Variants in AGFG2 observed in about 807,000 individuals in gnomAD.
AGFG2 encodes arf-GAP domain and FG repeat-containing protein 2.
Under a neutral mutation model 48.0 loss-of-function variants are expected in AGFG2, and 31 were observed. The ratio of observed to expected loss-of-function variants is 0.65; its 90% CI spans 0.49 to 0.87. AGFG2 has a LOEUF of 0.87. AGFG2 is among the 40% of genes least tolerant of loss of function. The pLI, the probability that AGFG2 is intolerant of heterozygous loss-of-function variation, is 0.00. For missense variants in AGFG2, 599 were observed against 632.6 expected (o/e 0.95, Z 0.57); for synonymous variants, 229 against 260.8 (o/e 0.88, Z 1.18).
intron 6 of AGFG2, among the ~76,000 whole-genome samples, chr7:100,559,528 G>A (rs1030723425): frequency 9.2e-5 from 14 of 152,048 alleles, no homozygotes; most frequent in Admixed American, 4.6e-4. Context: ...TATAAGAAGC[G>A]CATGAAGGCC....
At chr7:100,540,635 T>C (rs1800404704) in intron 1 of AGFG2, among the ~76,000 whole-genome samples, 1 of 152,200 alleles carries the variant, frequency 6.6e-6, no homozygotes, top group Non-Finnish European at 1.5e-5. Flanking sequence ...TGGATCTCTG[T>C]TTTTTAATAA....
chr7:100,553,144 C>A (rs1261622431), intron 3 of AGFG2, among the ~76,000 whole-genome samples: 1 of 152,088 alleles, frequency 6.6e-6, no homozygotes, highest in African/African-American at 2.4e-5. Context: ...CAGCGAGACC[C>A]TGTCTCAAAA....
At position 100,564,659 on chromosome 7, in the gene AGFG2, G is replaced by A. The variant is rs183182846; in HGVS notation, c.1387-273G>A. Among the ~76,000 whole-genome samples, 77 of 151,798 alleles carry A rather than the reference G, an allele frequency of 5.1e-4. No individual in the cohort carries two copies. In the East Asian group the frequency reaches 9.3e-3, roughly 18 times the overall value. The stretch of plus-strand genomic sequence containing the variant: ...GCAGGGACTACAGGTGTGCACCACC[G>A]CACATGGCTAATTTTTGTATTTTTA... On this transcript the variant is annotated intron_variant, in intron 11 of 11. Coordinates refer to ENST00000300176, the MANE Select transcript of AGFG2 (RefSeq NM_006076.5).
At chr7:100,560,008 C>T (rs528703322) in intron 6 of AGFG2, among the ~76,000 whole-genome samples, 13 of 152,274 alleles carry the variant, frequency 8.5e-5, no homozygotes, top group African/African-American at 2.6e-4. Context: ...CCAGCCTGGT[C>T]CTCACTGGGT....
chr7:100,564,112 TC>T, intron 10 of AGFG2, 105 bp from the exon 11 acceptor site: 2 of 1,523,902 alleles, frequency 1.3e-6, no homozygotes, highest in Non-Finnish European at 1.8e-6. Context: ...CCCGGGTACT[TC>T]CACTGCTCTG....
At chr7:100,564,875 T>C in intron 11 of AGFG2, 57 bp from the exon 12 acceptor site, 2 of 1,590,234 alleles carry the variant, frequency 1.3e-6, no homozygotes, top group South Asian at 1.1e-5. Context: ...GCTGCCTTTC[T>C]TCTAAGCTTC....
At chr7:100,540,612 C>G (rs1800403803) in intron 1 of AGFG2, among the ~76,000 whole-genome samples, 1 of 152,198 alleles carries the variant, frequency 6.6e-6, no homozygotes, top group South Asian at 2.1e-4. Context: ...TGATTAACAT[C>G]TGATATCAGG....
intron 6 of AGFG2, among the ~76,000 whole-genome samples, chr7:100,560,973 G>A (rs1800857614): frequency 2.7e-5 from 4 of 150,200 alleles, no homozygotes; most frequent in Admixed American, 2.7e-4. Flanking sequence ...CACCATGCCT[G>A]GCTAATTTTT....
At chr7:100,556,737 C>A in intron 6 of AGFG2, 2 of 876,622 alleles carry the variant, frequency 2.3e-6, no homozygotes, top group Non-Finnish European at 3.1e-6. Context: ...GGCAGTTAAG[C>A]AATTTCCCTA....
chr7:100,543,016 G>C (rs1048899396), intron 1 of AGFG2, among the ~76,000 whole-genome samples: 1 of 152,146 alleles, frequency 6.6e-6, no homozygotes, highest in African/African-American at 2.4e-5. Context: ...AGCTCTGTGG[G>C]TTAGAGTGAT....
chr7:100,541,608 C>G (rs1029130820), intron 1 of AGFG2, among the ~76,000 whole-genome samples: 2 of 151,730 alleles, frequency 1.3e-5, no homozygotes, highest in Non-Finnish European at 2.9e-5. Flanking sequence ...ACTAAAAATA[C>G]AAAAATTAGC....
At position 100,539,401 on chromosome 7, in the gene AGFG2, A is replaced by AAGGCGGAGGCGG; in HGVS notation, c.62_73dup (p.Glu21_Ala24dup). On this transcript the variant is annotated inframe_insertion, in exon 1 of 12. Transcript: ENST00000300176. ...CCCGGGCGGCGGGGTCAGCGGGGGC[A>AAGGCGGAGGCGG]AGGCGGAGGCGGAGGCGGCCTCGGA... The AAGGCGGAGGCGG allele has an allele frequency of 7.6e-7, 1 of 1,308,560 alleles. No homozygotes were observed. Among genetic ancestry groups the AAGGCGGAGGCGG allele is most frequent in the Non-Finnish European group, 9.8e-7 (1 of 1,025,590 alleles). 81.1% of individuals were successfully genotyped at this position (1,308,560 alleles called of 1,614,324 possible).
intron 6 of AGFG2, 139 bp downstream of exon 6, chr7:100,555,874 G>T: frequency 8.1e-7 from 1 of 1,233,670 alleles, no homozygotes; most frequent in Non-Finnish European, 1.1e-6. Context: ...TCCAGGAGAG[G>T]ATGAGCGTGT....
At chr7:100,548,149 C>T (rs551972603) in intron 1 of AGFG2, among the ~76,000 whole-genome samples, 60 of 152,110 alleles carry the variant, frequency 3.9e-4, no homozygotes, top group Non-Finnish European at 5.7e-4. Flanking sequence ...GAAGTACCCC[C>T]CTCGGCCTAC....
At chr7:100,543,239 A>AT (rs1800455326) in intron 1 of AGFG2, among the ~76,000 whole-genome samples, 1 of 152,006 alleles carries the variant, frequency 6.6e-6, no homozygotes, top group Admixed American at 6.6e-5. Flanking sequence ...TAATTTTTGT[A>AT]TTTTTAGTAG....
At chr7:100,553,201 C>A in intron 3 of AGFG2, 146 bp from the exon 4 acceptor site, 1 of 1,038,148 alleles carries the variant, frequency 9.6e-7, no homozygotes, top group Non-Finnish European at 1.4e-6. Context: ...CAGAACTTTG[C>A]TAAGTTGCTC....
chr7:100,565,253 G>A lies in AGFG2; in HGVS notation c.*262G>A. On this transcript the variant is annotated 3_prime_UTR_variant, in exon 12 of 12. Coordinates refer to ENST00000300176, the MANE Select transcript of AGFG2 (RefSeq NM_006076.5). ...TGACCTGGAGGAGTGATGGTTGAGG[G>A]GGAGGGATTTTTTTCAAATGATCAG... The A allele has an allele frequency of 7.1e-6, 4 of 561,298 alleles. No homozygotes were observed. The highest frequency in any genetic ancestry group is 4.7e-4 in the Middle Eastern group (1 of 2,110). 34.8% of individuals were successfully genotyped at this position (561,298 alleles called of 1,614,324 possible).
chr7:100,547,267 A>G (rs1326023025), intron 1 of AGFG2, among the ~76,000 whole-genome samples: 1 of 146,986 alleles, frequency 6.8e-6, no homozygotes, highest in Non-Finnish European at 1.5e-5. Flanking sequence ...GTGTGAATGT[A>G]TGTTTTCCCC....
At chr7:100,545,197 C>T (rs1364467853) in intron 1 of AGFG2, among the ~76,000 whole-genome samples, 1 of 152,130 alleles carries the variant, frequency 6.6e-6, no homozygotes, top group Admixed American at 6.6e-5. Context: ...TGAAAAAGAA[C>T]TTGGGTGCTG....
Sources: allele counts gnomAD v4.1 joint callset (sites outside exome capture counted in the v4.1 genomes callset), GRCh38; gene constraint gnomAD v4.1.1; transcripts MANE v1.5; gene names NCBI Gene and HGNC (gene_info 2026-07-23, HGNC 2026-07-21).